TOX: variants seen among roughly 807,000 people sequenced by gnomAD.
TOX encodes thymocyte selection-associated high mobility group box protein TOX.
TOX carries 11 observed loss-of-function variants against 53.7 expected under a neutral mutation model. That is an observed-to-expected ratio of 0.20 (90% CI 0.13 to 0.34). The LOEUF (loss-of-function observed/expected upper bound fraction) is 0.34. Ranked by LOEUF, TOX falls within the 10% of genes least tolerant of loss-of-function variation. The pLI, the probability that TOX is intolerant of heterozygous loss-of-function variation, is 1.00. For missense variants in TOX, 570 were observed against 664.6 expected, an observed-to-expected ratio of 0.86 and a Z score of 1.56; for synonymous variants, 225 against 245.3, an observed-to-expected ratio of 0.92 and a Z score of 0.77.
intron 3 of TOX, among the ~76,000 whole-genome samples, chr8:58,868,317 A>G (rs1259033168): frequency 6.6e-6 from 1 of 152,196 alleles, no homozygotes; most frequent in African/African-American, 2.4e-5. Context: ...ATGCAAACAG[A>G]CTAATAGAAT....
chr8:59,052,145 T>G (rs964231097), intron 1 of TOX, among the ~76,000 whole-genome samples: 3 of 152,184 alleles, frequency 2.0e-5, no homozygotes, highest in African/African-American at 7.2e-5. Flanking sequence ...TTACCTACTT[T>G]TATACAGAAA....
chr8:58,896,899 T>A (rs1171006681), intron 3 of TOX, among the ~76,000 whole-genome samples: 1 of 152,182 alleles, frequency 6.6e-6, no homozygotes, highest in East Asian at 1.9e-4. Flanking sequence ...AACATATTCC[T>A]ACGTTAGGGA....
intron 1 of TOX, among the ~76,000 whole-genome samples, chr8:59,110,141 T>C (rs1410434359): frequency 1.3e-5 from 2 of 152,174 alleles, no homozygotes; most frequent in Non-Finnish European, 2.9e-5. Context: ...GAGAGTCCAT[T>C]ATGAACAGTC....
intron 2 of TOX, among the ~76,000 whole-genome samples, chr8:58,949,869 CATATA>C (rs966104115): frequency 3.0e-4 from 44 of 149,010 alleles, no homozygotes; most frequent in African/African-American, 1.1e-3. Context: ...TTCATATACA[CATATA>C]ATATACAATT....
intron 1 of TOX, among the ~76,000 whole-genome samples, chr8:58,969,212 A>G (rs1268421985): frequency 1.3e-5 from 2 of 152,196 alleles, no homozygotes; most frequent in Non-Finnish European, 2.9e-5. Context: ...TCAGTCTAGA[A>G]CTACTCCATT....
chr8:58,816,537 G>T lies in TOX; in HGVS notation c.1006-813C>A, dbSNP rs542238207. Reference sequence around the variant, plus strand: ...TTAACCCTGTGGCAATTCCTCATGGGCCTGAACCTACCTCCTACATTTCCT... The same window carrying T: ...TTAACCCTGTGGCAATTCCTCATGGTCCTGAACCTACCTCCTACATTTCCT... On this transcript the variant is annotated intron_variant, in intron 6 of 8. Transcript: ENST00000361421. 7.9e-5 allele frequency among the ~76,000 whole-genome samples: 12 copies of T among 152,268 alleles called. No individual in the cohort carries two copies. The South Asian group carries it at 2.5e-3, about 32-fold the overall frequency.
At chr8:59,077,350 G>C (rs1040144886) in intron 1 of TOX, among the ~76,000 whole-genome samples, 1 of 152,158 alleles carries the variant, frequency 6.6e-6, no homozygotes, top group African/African-American at 2.4e-5. Flanking sequence ...AAGTATGCAG[G>C]AAAATCGATC....
intron 6 of TOX, among the ~76,000 whole-genome samples, chr8:58,815,954 T>G (rs1026223130): frequency 6.6e-6 from 1 of 152,178 alleles, no homozygotes; most frequent in African/African-American, 2.4e-5. Flanking sequence ...TTTTGTTCCT[T>G]TGCCTAAATG....
At chr8:59,034,592 C>T (rs952442756) in intron 1 of TOX, among the ~76,000 whole-genome samples, 2 of 152,172 alleles carry the variant, frequency 1.3e-5, no homozygotes, top group African/African-American at 4.8e-5. Flanking sequence ...CAGTGTTGAG[C>T]AGGAAAGCCC....
intron 1 of TOX, among the ~76,000 whole-genome samples, chr8:59,109,350 T>G (rs1247073373): frequency 6.6e-6 from 1 of 152,178 alleles, no homozygotes; most frequent in Non-Finnish European, 1.5e-5. Flanking sequence ...ACGACCTAGC[T>G]TAGGTTACAA....
At chr8:58,980,834 C>T (rs1171135529) in intron 1 of TOX, among the ~76,000 whole-genome samples, 1 of 151,928 alleles carries the variant, frequency 6.6e-6, no homozygotes, top group African/African-American at 2.4e-5. Flanking sequence ...TCCCACTCAC[C>T]CATCTCACTG....
intron 3 of TOX, among the ~76,000 whole-genome samples, chr8:58,852,508 A>G (rs1021346100): frequency 1.1e-4 from 16 of 152,230 alleles, no homozygotes; most frequent in Admixed American, 2.6e-4. Context: ...TTTAGCCTTA[A>G]TGAGACTCAC....
chr8:58,854,017 T>C lies in TOX; in HGVS notation c.412-2212A>G, dbSNP rs113484425. 1.5e-3 allele frequency among the ~76,000 whole-genome samples: 225 copies of C among 152,266 alleles called. 3 individuals are homozygous for C. Among genetic ancestry groups the C allele is most frequent in the African/African-American group, 5.1e-3 (212 of 41,564 alleles). ...AAAAGCTCCCATTATGGGCACAGAG[T>C]AATGGCTACCTGTAAGTGGACACTA... On this transcript the variant is annotated intron_variant, in intron 3 of 8. Transcript: ENST00000361421.
At chr8:59,081,658 G>T (rs569109007) in intron 1 of TOX, among the ~76,000 whole-genome samples, 21 of 152,260 alleles carry the variant, frequency 1.4e-4, no homozygotes, top group African/African-American at 4.8e-4. Flanking sequence ...ACCTCTGAAG[G>T]TATTGATCAT....
chr8:58,999,617 G>A lies in TOX; in HGVS notation c.103-39609C>T, dbSNP rs548890367. 3.9e-5 allele frequency among the ~76,000 whole-genome samples: 6 copies of A among 152,284 alleles called. No homozygotes were observed. The South Asian group carries it at 1.2e-3, about 32-fold the overall frequency. ...TAGAGGTTTGATCACTTTGAGGTAG[G>A]ATGCTGGTACAGAAGACAGATCCTT... On this transcript the variant is annotated intron_variant, in intron 1 of 8. Coordinates refer to ENST00000361421, the MANE Select transcript of TOX (RefSeq NM_014729.3).
chr8:59,092,282 T>TATACATTA (rs1554545758), intron 1 of TOX, among the ~76,000 whole-genome samples: 21 of 108,394 alleles, frequency 1.9e-4, no homozygotes, highest in African/African-American at 7.2e-4. Context: ...TATATATATA[T>TATACATTA]TATATATACA....
At chr8:59,075,190 A>G (rs2129422836) in intron 1 of TOX, among the ~76,000 whole-genome samples, 1 of 152,340 alleles carries the variant, frequency 6.6e-6, no homozygotes, top group African/African-American at 2.4e-5. Flanking sequence ...GAGACAGTGG[A>G]TAAATTTGGC....
chr8:58,959,525 T>C (rs1240188845), intron 2 of TOX, among the ~76,000 whole-genome samples: 1 of 152,142 alleles, frequency 6.6e-6, no homozygotes, highest in Non-Finnish European at 1.5e-5. Context: ...GGCCATGGGA[T>C]TTGGGTTACG....
At position 58,838,160 on chromosome 8, in the gene TOX, T is replaced by C; in HGVS notation, c.845A>G (p.Gln282Arg). 6.2e-7 allele frequency: 1 copy of C among 1,614,232 alleles called. No homozygotes were observed. The highest frequency in any genetic ancestry group is 8.5e-7 in the Non-Finnish European group (1 of 1,180,020). The change falls in exon 5 of 9, where the codon CAA (glutamine) becomes CGA (arginine). Residue 282 changes from glutamine to arginine, a missense_variant. Transcript: ENST00000361421. ...TTCGCCAAAGGTAGCGTTTGGATTT[T>C]GGCCCTTGATGGCGGCCTGAGTATC... ...FRDTQAAIKG[Q>R]NPNATFGEVS...
Sources: allele counts gnomAD v4.1 joint callset (sites outside exome capture counted in the v4.1 genomes callset), GRCh38; gene constraint gnomAD v4.1.1; transcripts MANE v1.5; gene names NCBI Gene and HGNC (gene_info 2026-07-23, HGNC 2026-07-21).